Variants in ACBD5 observed in about 807,000 individuals in gnomAD.
ACBD5 encodes acyl-CoA binding domain containing 5.
A neutral mutation model predicts 71.8 loss-of-function variants in ACBD5; 40 were observed. That is an observed-to-expected ratio of 0.56 (90% CI 0.43 to 0.72). The LOEUF is 0.72. Among genes scored for constraint, ACBD5 ranks in the 30% least tolerant of loss-of-function variants. ACBD5 has a pLI of 0.00. For missense variants in ACBD5, 559 were observed against 644.5 expected, an observed-to-expected ratio of 0.87 and a Z score of 1.44; for synonymous variants, 229 against 218.6, an observed-to-expected ratio of 1.05 and a Z score of -0.42.
At chr10:27,189,655 T>A (rs867463260) in intron 13 of ACBD5, among the ~76,000 whole-genome samples, 1 of 149,242 alleles carries the variant, frequency 6.7e-6, no homozygotes, top group Admixed American at 6.7e-5. Flanking sequence ...TTAGGAGATA[T>A]ACCTAATGTA....
intron 2 of ACBD5, 130 bp from the exon 3 acceptor site, chr10:27,235,342 C>T (rs2064517991): frequency 8.5e-6 from 10 of 1,173,276 alleles, no homozygotes; most frequent in African/African-American, 1.6e-5. Flanking sequence ...TTATTTCTAG[C>T]TTATAGAAAC....
intron 9 of ACBD5, among the ~76,000 whole-genome samples, chr10:27,209,237 C>A (rs538136481): frequency 1.2e-4 from 18 of 152,162 alleles, no homozygotes; most frequent in African/African-American, 4.3e-4. Flanking sequence ...CTGGAGACTA[C>A]TTCTTTAGGT....
At chr10:27,212,734 A>G (rs2061236774) in intron 8 of ACBD5, among the ~76,000 whole-genome samples, 1 of 151,966 alleles carries the variant, frequency 6.6e-6, no homozygotes, top group Non-Finnish European at 1.5e-5. Context: ...TTTTTTGTAG[A>G]GACGGGGTTT....
At chr10:27,203,838 T>C (rs918395983) in intron 12 of ACBD5, among the ~76,000 whole-genome samples, 1 of 152,152 alleles carries the variant, frequency 6.6e-6, no homozygotes, top group African/African-American at 2.4e-5. Context: ...CATCTCCCTA[T>C]GTTGCCCAGG....
chr10:27,206,139 T>G (rs1011000599), intron 10 of ACBD5, among the ~76,000 whole-genome samples: 2 of 151,930 alleles, frequency 1.3e-5, no homozygotes, highest in African/African-American at 4.8e-5. Context: ...TAGCCTCAGG[T>G]TATCCTCCTG....
At chr10:27,192,314 A>T (rs570764609), downstream of ACBD5, among the ~76,000 whole-genome samples, 8 of 152,124 alleles carry the variant, frequency 5.3e-5, no homozygotes, top group South Asian at 8.3e-4. Context: ...TGAAAAAAAA[A>T]GTCTACTGGG....
At chr10:27,230,950 C>T (rs919185175) in intron 4 of ACBD5, among the ~76,000 whole-genome samples, 4 of 152,098 alleles carry the variant, frequency 2.6e-5, no homozygotes, top group African/African-American at 9.7e-5. Flanking sequence ...TGAAAACTTC[C>T]TTATCTTATT....
At chr10:27,185,422 C>T (rs372313163) in intron 13 of ACBD5, among the ~76,000 whole-genome samples, 6 of 151,546 alleles carry the variant, frequency 4.0e-5, no homozygotes, top group Admixed American at 6.6e-5. Flanking sequence ...CCCCTGGGGT[C>T]GGGAGTTCGA....
chr10:27,203,492 T>A (rs1397918762), intron 12 of ACBD5, among the ~76,000 whole-genome samples: 1 of 152,136 alleles, frequency 6.6e-6, no homozygotes, highest in Non-Finnish European at 1.5e-5. Flanking sequence ...TAATCCCAGC[T>A]CTTTGGGAGG....
chr10:27,229,355 C>T (rs1223841295), intron 4 of ACBD5, among the ~76,000 whole-genome samples: 2 of 151,614 alleles, frequency 1.3e-5, no homozygotes, highest in African/African-American at 4.8e-5. Context: ...TTTGCAAGAC[C>T]GAGGTGAGTG....
intron 4 of ACBD5, among the ~76,000 whole-genome samples, chr10:27,224,072 C>G (rs1287554957): frequency 6.6e-6 from 1 of 151,562 alleles, no homozygotes; most frequent in African/African-American, 2.4e-5. Flanking sequence ...TTGTGTATTA[C>G]AGCTAGGGGG....
chr10:27,194,423 C>T (rs1400005725), downstream of ACBD5, among the ~76,000 whole-genome samples: 1 of 150,234 alleles, frequency 6.7e-6, no homozygotes, highest in Non-Finnish European at 1.5e-5. Flanking sequence ...CCAGCCTAGC[C>T]AACATGGCAA....
upstream of ACBD5, among the ~76,000 whole-genome samples, chr10:27,241,394 G>A (rs1410228857): frequency 6.6e-6 from 1 of 152,142 alleles, no homozygotes; most frequent in African/African-American, 2.4e-5. Flanking sequence ...GCAGTCCCTG[G>A]CCCGCAGGTC....
chr10:27,187,091 G>T (rs2058809194), intron 13 of ACBD5, among the ~76,000 whole-genome samples: 1 of 152,040 alleles, frequency 6.6e-6, no homozygotes, highest in African/African-American at 2.4e-5. Context: ...CTTGAGGTCA[G>T]GAGTTCAAGA....
downstream of ACBD5, among the ~76,000 whole-genome samples, chr10:27,190,907 T>G (rs953918338): frequency 2.0e-5 from 3 of 152,104 alleles, no homozygotes; most frequent in Non-Finnish European, 4.4e-5. Context: ...GCTTGAGCAG[T>G]TGGGTGGATT....
At chr10:27,234,361 A>C (rs1342149578) in intron 3 of ACBD5, among the ~76,000 whole-genome samples, 1 of 152,196 alleles carries the variant, frequency 6.6e-6, no homozygotes, top group Non-Finnish European at 1.5e-5. Flanking sequence ...GCAGTACCTG[A>C]GTCATATTCC....
intron 5 of ACBD5, 77 bp from the exon 6 acceptor site, chr10:27,219,934 A>T (rs1464981587): frequency 7.5e-7 from 1 of 1,325,026 alleles, no homozygotes; most frequent in East Asian, 2.6e-5. Context: ...ATACTAATAA[A>T]ATTTACAAAT....
At chr10:27,228,002 C>G (rs1229200517) in intron 4 of ACBD5, among the ~76,000 whole-genome samples, 2 of 151,940 alleles carry the variant, frequency 1.3e-5, no homozygotes, top group South Asian at 4.2e-4. Flanking sequence ...CATGAGCCAC[C>G]GCGCCCGGCC....
At position 27,195,229 on chromosome 10, in the gene ACBD5, C is replaced by T. The variant is rs1178746345; in HGVS notation, c.*2201G>A. On this transcript the variant is annotated 3_prime_UTR_variant, in exon 13 of 13. Transcript: ENST00000396271. ...AAAAGCCATATCATTTCTCATTAAC[C>T]TTTTATTTTTAACTTAGTTTTACAA... 2.7e-5 allele frequency: 11 copies of T among 402,942 alleles called. No individual in the cohort carries two copies. Among genetic ancestry groups the T allele is most frequent in the South Asian group, 1.9e-4 (10 of 54,026 alleles). 25.0% of individuals were successfully genotyped at this position (402,942 alleles called of 1,614,324 possible). A position where few individuals can be genotyped will look rare whatever the true frequency, so the allele number is the denominator to read the frequency against.
Sources: gnomAD v4.1 joint callset for allele counts (sites outside exome capture counted in the v4.1 genomes callset) on GRCh38, gnomAD v4.1.1 for gene constraint, MANE v1.5 for transcripts, NCBI Gene and HGNC (gene_info 2026-07-23, HGNC 2026-07-21) for gene names.